Variants in GRIK1 observed in about 807,000 individuals in gnomAD.
GRIK1 encodes glutamate ionotropic receptor kainate type subunit 1.
In GRIK1, 69 loss-of-function variants were observed where a neutral mutation model predicts 105.7. That is an observed-to-expected ratio of 0.65 (90% CI 0.54 to 0.80). The LOEUF is 0.80. GRIK1 is among the 30% of genes least tolerant of loss of function. The pLI is 0.00. For synonymous variants in GRIK1, 438 were observed against 431.3 expected (o/e 1.02, Z -0.19); for missense variants, 1,109 against 1,167.3 (o/e 0.95, Z 0.73).
intron 1 of GRIK1, among the ~76,000 whole-genome samples, chr21:29,756,367 C>T (rs1438530719): frequency 6.6e-6 from 1 of 151,708 alleles, no homozygotes; most frequent in Non-Finnish European, 1.5e-5. Flanking sequence ...GGCAACAGAG[C>T]GAGACTCCAT....
intron 14 of GRIK1, among the ~76,000 whole-genome samples, chr21:29,563,636 G>T (rs1313329577): frequency 2.6e-5 from 4 of 152,200 alleles, no homozygotes; most frequent in African/African-American, 9.7e-5. Flanking sequence ...TAGTAAAAGA[G>T]CTACTCATAC....
At chr21:29,822,658 A>G (rs1255156615) in intron 1 of GRIK1, among the ~76,000 whole-genome samples, 3 of 151,970 alleles carry the variant, frequency 2.0e-5, no homozygotes, top group South Asian at 4.1e-4. Context: ...GGGTTAATAT[A>G]TGGATGGACT....
chr21:29,690,148 T>G (rs1456358227), intron 2 of GRIK1, among the ~76,000 whole-genome samples, 163 bp from the exon 3 acceptor site: 1 of 152,226 alleles, frequency 6.6e-6, no homozygotes, highest in African/African-American at 2.4e-5. Context: ...GAAATACGGT[T>G]GGTCCAACTT....
chr21:29,835,146 G>A (rs758917658), intron 1 of GRIK1, among the ~76,000 whole-genome samples: 5 of 152,072 alleles, frequency 3.3e-5, no homozygotes, highest in Non-Finnish European at 5.9e-5. Context: ...TGATTCACTT[G>A]CAACTCAACA....
At position 29,537,900 on chromosome 21, in the gene GRIK1, G is replaced by GA. The variant is rs201052126; in HGVS notation, c.2608-17dup. On this transcript the variant is annotated splice_polypyrimidine_tract_variant and intron_variant, in intron 16 of 17. Transcript: ENST00000327783. ...ACTTTCCTTTCTGATAAAAAAAAAA[G>GA]AAAAAAAAACAATTTTAAATTGTAC... is the stretch of plus-strand genomic sequence containing the variant. 3,228 of 999,352 alleles carry GA rather than the reference G, an allele frequency of 3.2e-3. No homozygotes were observed. Among genetic ancestry groups the GA allele is most frequent in the South Asian group, 3.9e-3 (264 of 67,302 alleles). The allele number at this position is 999,352 out of a possible 1,614,324, so 61.9% of individuals were successfully genotyped here.
At chr21:29,652,671 A>G (rs1461176016) in intron 5 of GRIK1, among the ~76,000 whole-genome samples, 1 of 152,264 alleles carries the variant, frequency 6.6e-6, no homozygotes, top group East Asian at 1.9e-4. Flanking sequence ...GACTAGATTT[A>G]AAAATACATC....
In GRIK1 at chr21:29,673,289, C is replaced by T; in HGVS notation, c.545-125G>A. The T allele has an allele frequency of 5.3e-6, 3 of 564,410 alleles. No homozygotes were observed. In the African/African-American group the frequency reaches 5.7e-5, roughly 11 times the overall value. 35.0% of individuals were successfully genotyped at this position (564,410 alleles called of 1,614,324 possible). ...AGTGGCCACCTTCCTAAAGGTTACA[C>T]TCCTGACTTCCCATTTGTCACTCAT... On this transcript the variant is annotated intron_variant, in intron 3 of 17. Transcript: ENST00000327783.
At chr21:29,690,045 A>G (rs1009761122) in intron 2 of GRIK1, 60 bp from the exon 3 acceptor site, 9 of 1,346,718 alleles carry the variant, frequency 6.7e-6, no homozygotes, top group Non-Finnish European at 9.4e-6. Flanking sequence ...GGAGAGAAAA[A>G]GAGAGTTCTA....
At chr21:29,706,669 G>A (rs911973647) in intron 1 of GRIK1, among the ~76,000 whole-genome samples, 2 of 152,144 alleles carry the variant, frequency 1.3e-5, no homozygotes, top group African/African-American at 4.8e-5. Flanking sequence ...ATCCAAGAAA[G>A]CTTCTGGTTG....
At chr21:29,614,741 T>A (rs1471089552) in intron 7 of GRIK1, among the ~76,000 whole-genome samples, 1 of 151,398 alleles carries the variant, frequency 6.6e-6, no homozygotes, top group Non-Finnish European at 1.5e-5. Flanking sequence ...TATTTATGAC[T>A]TTTCCCTGCT....
chr21:29,916,993 C>T (rs193121767), intron 1 of GRIK1, among the ~76,000 whole-genome samples: 29 of 152,074 alleles, frequency 1.9e-4, no homozygotes, highest in African/African-American at 6.3e-4. Context: ...TCTCAATTCT[C>T]TCCAGAAAAA....
At position 29,696,655 on chromosome 21, in the gene GRIK1, G is replaced by C. The variant is rs544707407; in HGVS notation, c.119-2592C>G. On this transcript the variant is annotated intron_variant, in intron 1 of 17. Transcript: ENST00000327783. ...TGAACAATGACTTGTTTACTTGTCT[G>C]TCTCCTCAGCCCCACAGGGAGAGCC... 7.2e-5 allele frequency among the ~76,000 whole-genome samples: 11 copies of C among 152,330 alleles called. No individual in the cohort carries two copies. In the South Asian group the frequency reaches 2.3e-3, roughly 32 times the overall value.
chr21:29,589,597 AT>A (rs5843394), intron 10 of GRIK1, among the ~76,000 whole-genome samples: 78,770 of 150,354 alleles, frequency 0.52, 22,843 homozygotes, highest in African/African-American at 0.78. Flanking sequence ...ATTTTTTTGT[AT>A]TTTTTTTTAG....
At chr21:29,579,390 G>A (rs1489991919) in intron 13 of GRIK1, among the ~76,000 whole-genome samples, 1 of 152,100 alleles carries the variant, frequency 6.6e-6, no homozygotes, top group Non-Finnish European at 1.5e-5. Context: ...AACATTAAAA[G>A]TTGAGTAAAA....
At chr21:29,560,403 T>TTC (rs1568814270) in intron 15 of GRIK1, among the ~76,000 whole-genome samples, 1 of 103,648 alleles carries the variant, frequency 9.6e-6, no homozygotes, top group Non-Finnish European at 1.9e-5. Flanking sequence ...CTTCCTTCCT[T>TTC]TCTTTCTTTC....
chr21:29,582,385 G>C (rs16984403), intron 12 of GRIK1: 9,084 of 465,652 alleles, frequency 0.02, 646 homozygotes, highest in African/African-American at 0.16. Context: ...ATTATTATAG[G>C]TCTACCTGCA....
chr21:29,919,095 T>G (rs2071102811), intron 1 of GRIK1, among the ~76,000 whole-genome samples: 2 of 151,872 alleles, frequency 1.3e-5, no homozygotes, highest in African/African-American at 2.4e-5. Flanking sequence ...GCACCCAAAA[T>G]GAGCTAAGAC....
chr21:29,783,571 T>C (rs1006030792), intron 1 of GRIK1, among the ~76,000 whole-genome samples: 32 of 152,208 alleles, frequency 2.1e-4, no homozygotes, highest in Non-Finnish European at 4.0e-4. Context: ...TTTTATTTTT[T>C]AGCATTAAAA....
At chr21:29,795,115 A>C (rs1272818709) in intron 1 of GRIK1, among the ~76,000 whole-genome samples, 2 of 137,528 alleles carry the variant, frequency 1.5e-5, no homozygotes, top group African/African-American at 5.5e-5. Flanking sequence ...GGCTCACTGC[A>C]ACCTCTGCCT....
Sources: allele counts gnomAD v4.1 joint callset (sites outside exome capture counted in the v4.1 genomes callset), GRCh38; gene constraint gnomAD v4.1.1; transcripts MANE v1.5; gene names NCBI Gene and HGNC (gene_info 2026-07-23, HGNC 2026-07-21).